FNDC3B: variants seen among roughly 807,000 people sequenced by gnomAD.
The protein encoded by FNDC3B is fibronectin type III domain-containing protein 3B.
A neutral mutation model predicts 151.5 loss-of-function variants in FNDC3B; 12 were observed. The ratio of observed to expected loss-of-function variants is 0.08; its 90% confidence interval spans 0.05 to 0.13. The LOEUF (loss-of-function observed/expected upper bound fraction) is 0.13, where lower values mean the gene tolerates loss of function less well. Among genes scored for constraint, FNDC3B ranks in the 10% least tolerant of loss-of-function variants. The pLI, the probability that FNDC3B is intolerant of heterozygous loss-of-function variation, is 1.00. For missense variants in FNDC3B, 1,214 were observed against 1,505.3 expected (o/e 0.81, Z 3.20); for synonymous variants, 528 against 549.0 (o/e 0.96, Z 0.54).
chr3:172,330,291 C>G (rs1732577178), intron 12 of FNDC3B: 1 of 369,188 alleles, frequency 2.7e-6, no homozygotes. Flanking sequence ...ATGCAGAACC[C>G]AAGGATACAG....
At chr3:172,090,294 A>T (rs1718750374) in intron 1 of FNDC3B, among the ~76,000 whole-genome samples, 1 of 152,150 alleles carries the variant, frequency 6.6e-6, no homozygotes, top group Non-Finnish European at 1.5e-5. Context: ...CCTTAATCCC[A>T]TGACCTTGAC....
chr3:172,314,053 C>T (rs143119340), intron 11 of FNDC3B, among the ~76,000 whole-genome samples: 69 of 152,318 alleles, frequency 4.5e-4, no homozygotes, highest in African/African-American at 1.5e-3. Flanking sequence ...AGGCTCTGGC[C>T]ATCCCTCTGA....
At chr3:172,153,516 C>T (rs1221546871) in intron 3 of FNDC3B, among the ~76,000 whole-genome samples, 2 of 152,220 alleles carry the variant, frequency 1.3e-5, no homozygotes, top group African/African-American at 2.4e-5. Flanking sequence ...ACAGAGCCAC[C>T]TCAGTGTACT....
chr3:172,370,916 G>C (rs1044935069), intron 23 of FNDC3B, among the ~76,000 whole-genome samples: 1 of 152,158 alleles, frequency 6.6e-6, no homozygotes, highest in Non-Finnish European at 1.5e-5. Flanking sequence ...ACCACAGTGG[G>C]ACATTTGTTA....
chr3:172,256,165 G>A (rs554252092), intron 6 of FNDC3B, among the ~76,000 whole-genome samples: 16 of 152,204 alleles, frequency 1.1e-4, no homozygotes, highest in Admixed American at 3.3e-4. Context: ...CCAGACATGC[G>A]GTGTTCTGCC....
rs572489232 is a variant in FNDC3B, at chr3:172,248,680, A to G, written c.508+904A>G. Among the ~76,000 whole-genome samples, 16 of 148,084 alleles carry G rather than the reference A, an allele frequency of 1.1e-4. No individual in the cohort carries two copies. In the South Asian group the frequency reaches 3.1e-3, roughly 29 times the overall value. The stretch of plus-strand genomic sequence containing the variant: ...GAGCAAGTTATCACTTTTAAGAATT[A>G]TATATATATAATTATATAATTTCTA... On this transcript the variant is annotated intron_variant, in intron 5 of 25. Coordinates refer to ENST00000415807, the MANE Select transcript of FNDC3B (RefSeq NM_022763.4).
Position 172,137,196 on chromosome 3 carries a change from T to G in FNDC3B, c.187+3650T>G, listed in dbSNP as rs141572379. Among the ~76,000 whole-genome samples the G allele has an allele frequency of 3.9e-5, 6 of 152,300 alleles. No homozygotes were observed. The East Asian group carries it at 1.2e-3, about 29-fold the overall frequency. On this transcript the variant is annotated intron_variant, in intron 3 of 25. Coordinates refer to ENST00000415807, the MANE Select transcript of FNDC3B (RefSeq NM_022763.4). The stretch of plus-strand genomic sequence containing the variant: ...AATGGAGTTGGTTGCTGGGCCTTCC[T>G]GGAAACTTTGAAATCACATTGTATG...
chr3:172,196,025 AATT>A (rs1005310604), intron 3 of FNDC3B, among the ~76,000 whole-genome samples: 2 of 152,166 alleles, frequency 1.3e-5, no homozygotes, highest in Non-Finnish European at 2.9e-5. Context: ...GTACAATGTT[AATT>A]ATTATAGAGG....
chr3:172,302,871 AGAGAGTGTGTGTGTGTGCATGTGTGT>A (rs1265236851), intron 9 of FNDC3B: 83 of 151,288 alleles, frequency 5.5e-4, no homozygotes, highest in African/African-American at 2.0e-3. Context: ...AGAGAGAGAG[AGAGAGTGTGTGTGTGTGCATGTGTGT>A]GAGAGTGTGT....
intron 7 of FNDC3B, among the ~76,000 whole-genome samples, chr3:172,288,865 A>T (rs1730164619): frequency 2.6e-5 from 4 of 152,170 alleles, no homozygotes; most frequent in Admixed American, 1.3e-4. Flanking sequence ...GGTTCTCTGG[A>T]TGGCAGTGTA....
At chr3:172,087,868 G>A (rs1718629188) in intron 1 of FNDC3B, among the ~76,000 whole-genome samples, 1 of 152,184 alleles carries the variant, frequency 6.6e-6, no homozygotes, top group Non-Finnish European at 1.5e-5. Flanking sequence ...GAGAGCCCTA[G>A]CTCTAGATCT....
intron 7 of FNDC3B, among the ~76,000 whole-genome samples, chr3:172,293,424 T>C (rs1021612577): frequency 1.4e-4 from 21 of 152,234 alleles, no homozygotes; most frequent in Admixed American, 1.2e-3. Flanking sequence ...CATCTTCTGA[T>C]AGTCTGTGTC....
intron 3 of FNDC3B, 100 bp from the exon 4 acceptor site, chr3:172,226,771 G>T (rs1423524202): frequency 7.8e-6 from 6 of 767,034 alleles, no homozygotes; most frequent in Non-Finnish European, 1.3e-5. Context: ...AATTGTCAAA[G>T]TCATTAATTA....
chr3:172,281,358 C>T (rs1729715358), intron 6 of FNDC3B, among the ~76,000 whole-genome samples: 1 of 152,030 alleles, frequency 6.6e-6, no homozygotes, highest in Admixed American at 6.6e-5. Flanking sequence ...CGATCTCCTG[C>T]CTAAGCCTCC....
At chr3:172,270,078 A>G (rs1200443908) in intron 6 of FNDC3B, among the ~76,000 whole-genome samples, 1 of 152,258 alleles carries the variant, frequency 6.6e-6, no homozygotes, top group Non-Finnish European at 1.5e-5. Flanking sequence ...ATTGTGAGAC[A>G]AGTAACACAT....
Position 172,397,430 on chromosome 3 carries a change from G to C in FNDC3B, c.3570G>C (p.Leu1190Phe). ...TCATTGTGCTTGGCTTTGCAACTTT[G>C]TCCATTTTATTTGCCTTTATATTAC... is the stretch of plus-strand genomic sequence containing the variant. Reference protein sequence around the residue: ...AAIIVLGFATLSILFAFILQY... With the variant: ...AAIIVLGFATFSILFAFILQY... Residue 1190 changes from leucine to phenylalanine, a missense_variant, in exon 26 of 26, where the codon TTG (leucine) becomes TTC (phenylalanine). This residue lies in a region of FNDC3B where 284 missense variants were observed against 392.4 expected (regional missense o/e 0.72). Transcript: ENST00000415807. The C allele has an allele frequency of 2.5e-6, 4 of 1,612,824 alleles. No homozygotes were observed. Among genetic ancestry groups the C allele is most frequent in the Non-Finnish European group, 3.4e-6 (4 of 1,179,642 alleles).
intron 6 of FNDC3B, among the ~76,000 whole-genome samples, chr3:172,284,652 A>G (rs1746633815): frequency 1.3e-5 from 2 of 150,496 alleles, no homozygotes; most frequent in Non-Finnish European, 3.0e-5. Context: ...TTAGGTCCAC[A>G]TCCCCCTTCC....
At chr3:172,174,097 T>A (rs1343279730) in intron 3 of FNDC3B, among the ~76,000 whole-genome samples, 1 of 152,186 alleles carries the variant, frequency 6.6e-6, no homozygotes, top group South Asian at 2.1e-4. Context: ...TGGTGGGGGC[T>A]GTGAAGACTG....
At chr3:172,381,926 A>C (rs1735461934) in intron 25 of FNDC3B, among the ~76,000 whole-genome samples, 2 of 152,220 alleles carry the variant, frequency 1.3e-5, no homozygotes, top group South Asian at 4.1e-4. Flanking sequence ...TGCTGCAATA[A>C]ACATACATGT....
Sources: allele counts gnomAD v4.1 joint callset (sites outside exome capture counted in the v4.1 genomes callset), GRCh38; gene constraint gnomAD v4.1.1; regional missense constraint gnomAD v4.1.1; transcripts MANE v1.5; gene names NCBI Gene and HGNC (gene_info 2026-07-23, HGNC 2026-07-21).